The following AGAP1 variants were observed in gnomAD, a reference collection of about 807,000 sequenced individuals.
The protein encoded by AGAP1 is arf-GAP with GTPase, ANK repeat and PH domain-containing protein 1.
AGAP1 carries 29 observed loss-of-function variants against 105.3 expected under a neutral mutation model. That is an observed-to-expected ratio of 0.28 (90% confidence interval 0.21 to 0.38). The LOEUF is 0.38. Ranked by LOEUF, AGAP1 falls within the 10% of genes least tolerant of loss-of-function variation. The pLI is 1.00. For missense variants in AGAP1, 998 were observed against 1,165.1 expected (o/e 0.86, Z 2.09); for synonymous variants, 509 against 485.9 (o/e 1.05, Z -0.63).
At chr2:235,634,546 TA>T (rs1306625038) in intron 1 of AGAP1, among the ~76,000 whole-genome samples, 1 of 152,210 alleles carries the variant, frequency 6.6e-6, no homozygotes, top group Non-Finnish European at 1.5e-5. Flanking sequence ...AGCCCATCTC[TA>T]ATCAGTTCAG....
intron 3 of AGAP1, among the ~76,000 whole-genome samples, chr2:235,727,713 GTT>G (rs1951717784): frequency 6.6e-6 from 1 of 152,144 alleles, no homozygotes. Flanking sequence ...CCCCCAACCT[GTT>G]TTATCGGTGT....
chr2:235,589,208 T>TG (rs939578563), intron 1 of AGAP1, among the ~76,000 whole-genome samples: 2 of 119,010 alleles, frequency 1.7e-5, no homozygotes, highest in South Asian at 3.1e-4. Flanking sequence ...TTTTTTTTTT[T>TG]TTTTTTTTTT....
chr2:235,732,948 A>C lies in AGAP1; in HGVS notation c.311-8015A>C, dbSNP rs757748724. 3.3e-5 allele frequency among the ~76,000 whole-genome samples: 5 copies of C among 152,194 alleles called. No homozygotes were observed. Among genetic ancestry groups the C allele is most frequent in the Middle Eastern group, 3.4e-3 (1 of 294 alleles). Reference sequence around the variant, plus strand: ...GTGTTGGGGGCATCTTTCGAGTCTCACTGCCCACGCTGTGGGAGCTGAGAC... The same window carrying C: ...GTGTTGGGGGCATCTTTCGAGTCTCCCTGCCCACGCTGTGGGAGCTGAGAC... On this transcript the variant is annotated intron_variant, in intron 3 of 17. Transcript: ENST00000304032. The surrounding 1 kb of genome is among the most constrained non-coding windows in gnomAD (Gnocchi z 4.8).
At chr2:235,702,958 G>T (rs2149484462) in intron 1 of AGAP1, among the ~76,000 whole-genome samples, 1 of 22,066 alleles carries the variant, frequency 4.5e-5, no homozygotes, top group Non-Finnish European at 1.3e-4. Flanking sequence ...GACAGAGTCT[G>T]GCTCTGTCAC....
chr2:235,935,343 A>T (rs1036587423), intron 12 of AGAP1, among the ~76,000 whole-genome samples: 1 of 152,218 alleles, frequency 6.6e-6, no homozygotes, highest in Non-Finnish European at 1.5e-5. Context: ...TTTTAAATGC[A>T]GAAACATATT....
intron 1 of AGAP1, among the ~76,000 whole-genome samples, chr2:235,656,362 T>G (rs1947770179): frequency 6.6e-6 from 1 of 152,222 alleles, no homozygotes; most frequent in African/African-American, 2.4e-5. Flanking sequence ...GTTCTAAATT[T>G]CTTTTCAAAG....
chr2:235,993,131 C>T lies in AGAP1; in HGVS notation c.1645+24508C>T, dbSNP rs951303278. On this transcript the variant is annotated intron_variant, in intron 13 of 17. Transcript: ENST00000304032. This position sits in a 1 kb window ranked among gnomAD's most constrained non-coding sequence, Gnocchi z 5.0. ...AGTTGTGCTTCCTAAGTATTGATAG[C>T]GGCGTATATATAGGATTCCCACAAT... Among the ~76,000 whole-genome samples, 3 of 152,164 alleles carry T rather than the reference C, an allele frequency of 2.0e-5. No homozygotes were observed. Among genetic ancestry groups the T allele is most frequent in the African/African-American group, 4.8e-5 (2 of 41,432 alleles).
At position 235,967,194 on chromosome 2, in the gene AGAP1, C is replaced by T. The variant is rs1473301560; in HGVS notation, c.1484-1268C>T. Among the ~76,000 whole-genome samples the T allele has an allele frequency of 6.6e-6, 1 of 152,128 alleles. No individual in the cohort carries two copies. The highest frequency in any genetic ancestry group is 1.9e-4 in the East Asian group (1 of 5,178). On this transcript the variant is annotated intron_variant, in intron 12 of 17. Coordinates refer to ENST00000304032, the MANE Select transcript of AGAP1 (RefSeq NM_001037131.3). This position sits in a 1 kb window ranked among gnomAD's most constrained non-coding sequence, Gnocchi z 4.7. ...TCCGTTTCTGGAACACACCAGGCTC[C>T]CTCCTTGGAGCCAGGCTCTGACTGT...
chr2:236,065,945 G>A (rs1219824333), intron 16 of AGAP1, among the ~76,000 whole-genome samples: 1 of 152,258 alleles, frequency 6.6e-6, no homozygotes, highest in Non-Finnish European at 1.5e-5. Flanking sequence ...ATTCTAGGGA[G>A]TAGCTGTCTG....
Position 235,500,263 on chromosome 2 carries a change from T to C in AGAP1, c.163+5414T>C, listed in dbSNP as rs150649534. 7.5e-5 allele frequency among the ~76,000 whole-genome samples: 11 copies of C among 146,020 alleles called. No homozygotes were observed. In the East Asian group the frequency reaches 2.1e-3, roughly 28 times the overall value. ...AGCCTGTGTCACTGCCATGATATAG[T>C]ATCTTTGGCGTCACACCGAGAGCAA... On this transcript the variant is annotated intron_variant, in intron 1 of 17. Coordinates refer to ENST00000304032, the MANE Select transcript of AGAP1 (RefSeq NM_001037131.3).
chr2:235,590,645 T>G (rs1945294298), intron 1 of AGAP1, among the ~76,000 whole-genome samples: 1 of 150,786 alleles, frequency 6.6e-6, no homozygotes, highest in Admixed American at 6.6e-5. Flanking sequence ...TTTCTGTTTT[T>G]TTTGTTTTGT....
chr2:235,932,315 A>C (rs2052763761), intron 12 of AGAP1, among the ~76,000 whole-genome samples: 1 of 152,222 alleles, frequency 6.6e-6, no homozygotes, highest in African/African-American at 2.4e-5. Flanking sequence ...CCTTACGTAG[A>C]AGTTAGGCAT....
intron 1 of AGAP1, among the ~76,000 whole-genome samples, chr2:235,698,426 T>TC (rs1950099896): frequency 6.6e-6 from 1 of 152,170 alleles, no homozygotes; most frequent in African/African-American, 2.4e-5. Flanking sequence ...TGTCTACTCT[T>TC]ACATCTCATG....
At chr2:235,520,323 C>T (rs10188139) in intron 1 of AGAP1, among the ~76,000 whole-genome samples, 26,993 of 152,162 alleles carry the variant, frequency 0.18, 2,640 homozygotes, top group East Asian at 0.31. Flanking sequence ...ACTGTGTGCA[C>T]GTTGCAGTTG....
intron 11 of AGAP1, among the ~76,000 whole-genome samples, chr2:235,916,308 G>T (rs566651797): frequency 1.3e-5 from 2 of 152,298 alleles, no homozygotes; most frequent in Admixed American, 1.3e-4. Context: ...GTCTTAAGTT[G>T]CCATTCTAAT....
chr2:236,069,287 TATG>T (rs764056904), intron 16 of AGAP1, among the ~76,000 whole-genome samples: 48 of 152,338 alleles, frequency 3.2e-4, no homozygotes, highest in African/African-American at 6.3e-4. Context: ...ATACATACGT[TATG>T]ATGTATAATT....
chr2:235,810,154 C>A (rs143822586), intron 9 of AGAP1, among the ~76,000 whole-genome samples: 1 of 151,960 alleles, frequency 6.6e-6, no homozygotes, highest in East Asian at 1.9e-4. Flanking sequence ...AAATATCTTA[C>A]GACTGTATAA....
At chr2:235,858,259 C>T (rs953436694) in intron 9 of AGAP1, among the ~76,000 whole-genome samples, 7 of 152,090 alleles carry the variant, frequency 4.6e-5, no homozygotes, top group East Asian at 1.9e-4. Flanking sequence ...ATTTTATCAA[C>T]GGTTTTGGTA....
At chr2:235,546,146 C>T (rs1376686236) in intron 1 of AGAP1, among the ~76,000 whole-genome samples, 2 of 152,208 alleles carry the variant, frequency 1.3e-5, no homozygotes, top group Non-Finnish European at 2.9e-5. Context: ...GTCATCAAAG[C>T]AGGCCACACC....
Sources: allele counts gnomAD v4.1 joint callset (sites outside exome capture counted in the v4.1 genomes callset), GRCh38; gene constraint gnomAD v4.1.1; non-coding constraint Gnocchi (gnomAD v3.1); transcripts MANE v1.5; gene names NCBI Gene and HGNC (gene_info 2026-07-23, HGNC 2026-07-21).